The following TMEM132B variants were observed in gnomAD, a reference collection of about 807,000 sequenced individuals.
TMEM132B encodes the protein transmembrane protein 132B.
In TMEM132B, 18 loss-of-function variants were observed where a neutral mutation model predicts 90.8. The observed-to-expected ratio is 0.20, with a 90% CI of 0.14 to 0.29. The LOEUF is 0.29. Ranked by LOEUF, TMEM132B falls within the 10% of genes least tolerant of loss-of-function variation. TMEM132B has a pLI of 1.00. For synonymous variants in TMEM132B, 504 were observed against 523.3 expected (o/e 0.96, Z 0.50); for missense variants, 1,096 against 1,326.8 (o/e 0.83, Z 2.70).
intron 3 of TMEM132B, among the ~76,000 whole-genome samples, chr12:125,464,661 C>T (rs1408204783): frequency 6.6e-6 from 1 of 152,192 alleles, no homozygotes; most frequent in African/African-American, 2.4e-5. Context: ...TCTGCATACA[C>T]TGGCATCATT....
intron 3 of TMEM132B, among the ~76,000 whole-genome samples, chr12:125,512,353 A>T (rs968665925): frequency 6.6e-6 from 1 of 152,244 alleles, no homozygotes; most frequent in Non-Finnish European, 1.5e-5. Context: ...ATTTAAAAAT[A>T]TCGCCAGCTG....
intron 3 of TMEM132B, among the ~76,000 whole-genome samples, chr12:125,505,187 A>ACAAACAAAC: frequency 1.4e-5 from 2 of 147,350 alleles, no homozygotes; most frequent in African/African-American, 5.1e-5. Flanking sequence ...AAAAAAAAAA[A>ACAAACAAAC]AAAAAAAACA....
chr12:125,377,564 A>G (rs1878531708), intron 2 of TMEM132B, among the ~76,000 whole-genome samples: 1 of 152,184 alleles, frequency 6.6e-6, no homozygotes, highest in Admixed American at 6.5e-5. Context: ...AGGAATACAC[A>G]GGTTAATATG....
In TMEM132B at chr12:125,441,766, A is replaced by G. The variant is rs190536518; in HGVS notation, c.1106+26089A>G. On this transcript the variant is annotated intron_variant, in intron 3 of 8. Transcript: ENST00000682704. ...CTTCCATCTCCGATCACTCGTGTGA[A>G]TTTAGTCAGATAACAAACTCTTTCT... Among the ~76,000 whole-genome samples, 449 of 152,378 alleles carry G rather than the reference A, an allele frequency of 2.9e-3. 2 individuals are homozygous for G. The highest frequency in any genetic ancestry group is 9.1e-3 in the African/African-American group (378 of 41,592).
At chr12:125,540,575 T>C (rs1816279059) in intron 4 of TMEM132B, among the ~76,000 whole-genome samples, 2 of 152,238 alleles carry the variant, frequency 1.3e-5, no homozygotes, top group African/African-American at 4.8e-5. Context: ...TCTTTGTCCA[T>C]GGTAATATTA....
intron 2 of TMEM132B, among the ~76,000 whole-genome samples, chr12:125,351,269 A>G (rs556439373): frequency 2.6e-5 from 4 of 152,240 alleles, no homozygotes; most frequent in Admixed American, 6.5e-5. Context: ...AACTTTAGTT[A>G]CAAAAACAGA....
chr12:125,229,646 C>T (rs1873770528), intron 1 of TMEM132B, among the ~76,000 whole-genome samples: 1 of 152,192 alleles, frequency 6.6e-6, no homozygotes, highest in South Asian at 2.1e-4. Context: ...AAAATCAAGG[C>T]ACAGATATTC....
intron 1 of TMEM132B, among the ~76,000 whole-genome samples, chr12:125,238,498 G>A (rs79640006): frequency 0.011 from 1,711 of 152,198 alleles, 40 homozygotes; most frequent in African/African-American, 0.038. Flanking sequence ...TTCTGCTGAA[G>A]TTAATTCCCG....
At chr12:125,649,365 T>A (rs936529351) in intron 6 of TMEM132B, among the ~76,000 whole-genome samples, 1 of 152,192 alleles carries the variant, frequency 6.6e-6, no homozygotes, top group Non-Finnish European at 1.5e-5. Context: ...GTTGTGAAGA[T>A]GAATGGACTT....
chr12:125,653,613 C>T lies in TMEM132B; in HGVS notation c.2155C>T (p.Pro719Ser), dbSNP rs773739343. The T allele has an allele frequency of 6.2e-7, 1 of 1,614,076 alleles. No individual in the cohort carries two copies. The highest frequency in any genetic ancestry group is 8.5e-7 in the Non-Finnish European group (1 of 1,179,944). ...TTTGTTCAGTGATGGTTCGGTGACA[C>T]CTTTAGACATTTACGATCCTAAGGA... Reference protein sequence around the residue: ...WILFSDGSVTPLDIYDPKDYS... With the variant: ...WILFSDGSVTSLDIYDPKDYS... Residue 719 changes from proline (P) to serine (S), a missense_variant, in exon 9 of 9, where the codon CCT becomes TCT. Pro to Ser is a moderately conservative substitution (Grantham distance 74, BLOSUM62 -1). Transcript: ENST00000682704.
chr12:125,243,138 T>C lies in TMEM132B; in HGVS notation c.67+56272T>C, dbSNP rs564541985. 1.4e-3 allele frequency among the ~76,000 whole-genome samples: 186 copies of C among 136,438 alleles called. 1 individual carries two copies. The highest frequency in any genetic ancestry group is 6.3e-3 in the South Asian group (27 of 4,268). The allele number at this position is 136,438 out of a possible 152,430, so 89.5% of individuals were successfully genotyped here. ...ATATATATATACACACACACACACA[T>C]ATATATATATATAATTTTTTTTTTT... is the stretch of plus-strand genomic sequence containing the variant. On this transcript the variant is annotated intron_variant, in intron 1 of 8. Coordinates refer to ENST00000682704, the MANE Select transcript of TMEM132B (RefSeq NM_001366854.1).
intron 1 of TMEM132B, among the ~76,000 whole-genome samples, chr12:125,318,823 G>A (rs1400175210): frequency 6.6e-6 from 1 of 152,170 alleles, no homozygotes; most frequent in African/African-American, 2.4e-5. Context: ...TGGATGGTTG[G>A]TCCAGGTATG....
intron 1 of TMEM132B, among the ~76,000 whole-genome samples, chr12:125,307,785 CAAGTATA>C (rs1406241620): frequency 2.0e-3 from 5 of 2,494 alleles, no homozygotes; most frequent in East Asian, 0.024. Flanking sequence ...ACTTATAATA[CAAGTATA>C]TTACAAGTAT....
chr12:125,366,701 T>G (rs901846116), intron 2 of TMEM132B, among the ~76,000 whole-genome samples: 1 of 152,220 alleles, frequency 6.6e-6, no homozygotes, highest in Non-Finnish European at 1.5e-5. Flanking sequence ...TGTACATTTA[T>G]GTCTTTTATC....
intron 3 of TMEM132B, among the ~76,000 whole-genome samples, chr12:125,487,193 C>CA (rs1882225691): frequency 6.6e-6 from 1 of 152,086 alleles, no homozygotes; most frequent in Admixed American, 6.5e-5. Flanking sequence ...ACAGGAAATG[C>CA]AAAAAGGTTA....
At chr12:125,592,402 A>G (rs577216283) in intron 5 of TMEM132B, among the ~76,000 whole-genome samples, 1 of 152,278 alleles carries the variant, frequency 6.6e-6, no homozygotes, top group South Asian at 2.1e-4. Context: ...GCCTTCCAGT[A>G]TCACTGGACT....
intron 1 of TMEM132B, among the ~76,000 whole-genome samples, chr12:125,190,348 TAGAG>T (rs924064145): frequency 6.6e-6 from 1 of 151,310 alleles, no homozygotes; most frequent in Non-Finnish European, 1.5e-5. Context: ...ATCCGAAAGT[TAGAG>T]AGCAAGTCTT....
chr12:125,573,314 C>A (rs749622978), intron 4 of TMEM132B, among the ~76,000 whole-genome samples: 9 of 152,120 alleles, frequency 5.9e-5, no homozygotes, highest in Non-Finnish European at 1.3e-4. Context: ...ACTTCCCATC[C>A]CAGTTCATGA....
chr12:125,275,711 T>C (rs1874968260), intron 1 of TMEM132B, among the ~76,000 whole-genome samples: 1 of 152,126 alleles, frequency 6.6e-6, no homozygotes, highest in Non-Finnish European at 1.5e-5. Context: ...TGGAAACCTT[T>C]GGCTAATGTG....
Sources: allele counts gnomAD v4.1 joint callset (sites outside exome capture counted in the v4.1 genomes callset), GRCh38; gene constraint gnomAD v4.1.1; transcripts MANE v1.5; gene names NCBI Gene and HGNC (gene_info 2026-07-23, HGNC 2026-07-21).